The following NDUFC2 variants were observed in gnomAD, a reference collection of about 807,000 sequenced individuals.
NDUFC2 encodes the protein NADH dehydrogenase [ubiquinone] 1 subunit C2.
NDUFC2 carries 2 observed loss-of-function variants against 10.1 expected under a neutral mutation model. That is an observed-to-expected ratio of 0.20 (90% CI 0.08 to 0.62). The LOEUF is 0.62. Among genes scored for constraint, NDUFC2 ranks in the 20% least tolerant of loss-of-function variants. NDUFC2 has a pLI of 0.87. For missense variants in NDUFC2, 156 were observed against 159.6 expected, an observed-to-expected ratio of 0.98 and a Z score of 0.12; for synonymous variants, 61 against 63.6, an observed-to-expected ratio of 0.96 and a Z score of 0.20.
intron 1 of NDUFC2, among the ~76,000 whole-genome samples, chr11:78,078,945 C>A (rs1023742570): frequency 6.6e-6 from 1 of 151,208 alleles, no homozygotes; most frequent in African/African-American, 2.4e-5. Context: ...ATACTGGTAT[C>A]GAATTCCTGA....
chr11:78,075,580 A>C (rs900483137), intron 1 of NDUFC2, among the ~76,000 whole-genome samples: 1 of 152,212 alleles, frequency 6.6e-6, no homozygotes, highest in Non-Finnish European at 1.5e-5. Context: ...GAAATTCATT[A>C]TTATGAGACA....
intron 1 of NDUFC2, among the ~76,000 whole-genome samples, chr11:78,073,934 C>CA: frequency 6.6e-6 from 1 of 151,206 alleles, no homozygotes; most frequent in Middle Eastern, 3.4e-3. Flanking sequence ...TGCAGTGGCA[C>CA]AATCACAGCT....
intron 1 of NDUFC2, among the ~76,000 whole-genome samples, chr11:78,077,938 T>G (rs943255784): frequency 1.3e-5 from 2 of 152,098 alleles, no homozygotes; most frequent in African/African-American, 4.8e-5. Flanking sequence ...TATGAAGTGG[T>G]GATGAAAAGG....
intron 1 of NDUFC2, among the ~76,000 whole-genome samples, chr11:78,078,357 T>C (rs1859338026): frequency 1.3e-5 from 2 of 152,156 alleles, no homozygotes; most frequent in Non-Finnish European, 2.9e-5. Context: ...ACCTGAACAC[T>C]CACTCAATCA....
intron 1 of NDUFC2, among the ~76,000 whole-genome samples, chr11:78,079,241 G>A (rs550175030): frequency 1.1e-4 from 16 of 152,084 alleles, no homozygotes; most frequent in Admixed American, 6.6e-4. Context: ...AGGCCGAAAT[G>A]CTATCAATAA....
At chr11:78,079,113 C>A (rs1320271544) in intron 1 of NDUFC2, among the ~76,000 whole-genome samples, 154 of 137,514 alleles carry the variant, frequency 1.1e-3, no homozygotes, top group Middle Eastern at 3.8e-3. Context: ...ATTCAGAGGT[C>A]AAAAAAAAAA....
At position 78,070,032 on chromosome 11, in the gene NDUFC2, C is replaced by A. The variant is rs1342006107; in HGVS notation, c.315G>T (p.Lys105Asn). 1.4e-5 allele frequency: 22 copies of A among 1,562,938 alleles called. No homozygotes were observed. The Admixed American group carries it at 3.8e-4, about 27-fold the overall frequency. The stretch of plus-strand genomic sequence containing the variant: ...TTTCAAAAATTTCACCATATGTTTT[C>A]TTATCTATAAAAGGAAAGATCATAA... ...LHPEDFPEED[K>N]KTYGEIFEKF... is the part of the protein sequence containing the mutation. The change falls in exon 3 of 3, where the codon AAG becomes AAT. Residue 105 changes from lysine (K) to asparagine (N), a missense_variant. Transcript: ENST00000281031.
rs756288046 is a variant in NDUFC2 at position 78,069,967 on chromosome 11, G to A, written c.*20C>T. 6.2e-7 allele frequency: 1 copy of A among 1,612,674 alleles called. No individual in the cohort carries two copies. Among genetic ancestry groups the A allele is most frequent in the Non-Finnish European group, 8.5e-7 (1 of 1,179,348 alleles). On this transcript the variant is annotated 3_prime_UTR_variant, in exon 3 of 3. Transcript: ENST00000281031. ...GAAACAGCAGGTATCAGTGAAACTG[G>A]AGCAAGCATTTTGAAGACTTCAACG...
chr11:78,079,754 G>A lies in NDUFC2; in HGVS notation c.-10C>T, dbSNP rs760592492. 2.5e-6 allele frequency: 4 copies of A among 1,603,476 alleles called. No individual in the cohort carries two copies. In the South Asian group the frequency reaches 3.3e-5, roughly 13 times the overall value. On this transcript the variant is annotated 5_prime_UTR_variant, in exon 1 of 3. The change creates a new upstream start codon in the 5' untranslated region. Transcript: ENST00000281031. The stretch of plus-strand genomic sequence containing the variant: ...TCCGCCGTGCGATCATGGTGACGCC[G>A]TTTCCACTTGAGGCCTGGTCTCAGA...
rs1590789813 is a variant in NDUFC2, at chr11:78,079,671, A to C, written c.74T>G (p.Leu25Arg). The change falls in exon 1 of 3, where the codon CTG (leucine) becomes CGG (arginine). Residue 25 changes from leucine to arginine, a missense_variant. Leu to Arg is a moderately radical substitution (Grantham distance 102, BLOSUM62 -2). Coordinates refer to ENST00000281031, the MANE Select transcript of NDUFC2 (RefSeq NM_004549.6). ...DEARSLPPPK[L>R]TDPRLLYIGF... ...GATGTAGAGGAGCCGCGGGTCGGTCAGCTTGGGCGGGGGCAGGCTCCGGGC... is the reference window on the plus strand; with the variant it reads ...GATGTAGAGGAGCCGCGGGTCGGTCCGCTTGGGCGGGGGCAGGCTCCGGGC... 1 of 1,608,678 alleles carries C rather than the reference A, an allele frequency of 6.2e-7. No individual in the cohort carries two copies. The highest frequency in any genetic ancestry group is 1.7e-4 in the Middle Eastern group (1 of 5,976).
chr11:78,079,149 C>T (rs1859396911), intron 1 of NDUFC2, among the ~76,000 whole-genome samples: 1 of 148,320 alleles, frequency 6.7e-6, no homozygotes, highest in Non-Finnish European at 1.5e-5. Flanking sequence ...TACTTAATAG[C>T]CATATGACCT....
intron 1 of NDUFC2, among the ~76,000 whole-genome samples, chr11:78,079,113 CAAAAA>C (rs386374249): frequency 7.3e-6 from 1 of 137,616 alleles, no homozygotes; most frequent in Non-Finnish European, 1.5e-5. Context: ...ATTCAGAGGT[CAAAAA>C]AAAAAAAAAC....
Position 78,078,728 on chromosome 11 carries a change from C to CTTTTTT in NDUFC2, c.166+845_166+850dup, listed in dbSNP as rs71046953. Among the ~76,000 whole-genome samples the CTTTTTT allele has an allele frequency of 4.9e-3, 304 of 61,616 alleles. 61 individuals are homozygous for CTTTTTT. Among genetic ancestry groups the CTTTTTT allele is most frequent in the East Asian group, 0.025 (53 of 2,154 alleles). The allele number at this position is 61,616 out of a possible 152,430, so 40.4% of individuals were successfully genotyped here. A position where few individuals can be genotyped will look rare whatever the true frequency, so the allele number is the denominator to read the frequency against. The stretch of plus-strand genomic sequence containing the variant: ...CCCAGACCTCATGAATCAGGATCCG[C>CTTTTTT]TTTTTTTTTTTTTTTGAGACAGGGT... On this transcript the variant is annotated intron_variant, in intron 1 of 2. Transcript: ENST00000281031.
intron 1 of NDUFC2, among the ~76,000 whole-genome samples, chr11:78,078,715 G>A (rs1368050914): frequency 2.0e-5 from 1 of 50,652 alleles, no homozygotes; most frequent in African/African-American, 7.4e-5. Flanking sequence ...CAGACCTCAT[G>A]AATCAGGATC....
At chr11:78,070,642 G>C (rs1858961302) in intron 2 of NDUFC2, among the ~76,000 whole-genome samples, 2 of 152,172 alleles carry the variant, frequency 1.3e-5, no homozygotes, top group Admixed American at 6.5e-5. Flanking sequence ...AACTTTGGAG[G>C]AATCTGTGAT....
At chr11:78,070,801 G>A (rs112756033) in intron 2 of NDUFC2, among the ~76,000 whole-genome samples, 2,955 of 152,294 alleles carry the variant, frequency 0.019, 101 homozygotes, top group African/African-American at 0.068. Context: ...CCCACTGTCT[G>A]TGCATGAGGC....
rs186863961 is a variant in NDUFC2 at position 78,077,308 on chromosome 11, T to G, written c.166+2271A>C. On this transcript the variant is annotated intron_variant, in intron 1 of 2. Transcript: ENST00000281031. ...CCCTGTCTCAAAAAAAAAAAAAGGGTTCTGTAAATGAACAATTTACAAATA... is the reference window on the plus strand; with the variant it reads ...CCCTGTCTCAAAAAAAAAAAAAGGGGTCTGTAAATGAACAATTTACAAATA... Among the ~76,000 whole-genome samples the G allele has an allele frequency of 6.4e-4, 96 of 149,396 alleles. 1 individual carries two copies. Among genetic ancestry groups the G allele is most frequent in the African/African-American group, 2.2e-3 (91 of 40,728 alleles).
rs753487123 is a variant in NDUFC2 at position 78,079,675 on chromosome 11, T to C, written c.70A>G (p.Lys24Glu). Reference protein sequence around the residue: ...PDEARSLPPPKLTDPRLLYIG... With the variant: ...PDEARSLPPPELTDPRLLYIG... ...TAGAGGAGCCGCGGGTCGGTCAGCT[T>C]GGGCGGGGGCAGGCTCCGGGCCTCA... is the stretch of plus-strand genomic sequence containing the variant. Residue 24 changes from lysine to glutamate, a missense_variant, in exon 1 of 3, where the codon AAG becomes GAG. Coordinates refer to ENST00000281031, the MANE Select transcript of NDUFC2 (RefSeq NM_004549.6). 6.2e-6 allele frequency: 10 copies of C among 1,608,934 alleles called. No individual in the cohort carries two copies. Among genetic ancestry groups the C allele is most frequent in the African/African-American group, 1.3e-5 (1 of 74,732 alleles).
chr11:78,072,802 A>G, intron 2 of NDUFC2, 196 bp downstream of exon 2: 2 of 723,568 alleles, frequency 2.8e-6, no homozygotes, highest in Admixed American at 6.2e-5. Context: ...AGGGGATATG[A>G]GTTTTGTTTG....
Sources: allele counts gnomAD v4.1 joint callset (sites outside exome capture counted in the v4.1 genomes callset), GRCh38; gene constraint gnomAD v4.1.1; transcripts MANE v1.5; gene names NCBI Gene and HGNC (gene_info 2026-07-23, HGNC 2026-07-21).